Variants in PCDHGA5 observed in about 807,000 individuals in gnomAD.
The protein encoded by PCDHGA5 is protocadherin gamma-A5.
Under a neutral mutation model 56.7 loss-of-function variants are expected in PCDHGA5, and 36 were observed. The ratio of observed to expected loss-of-function variants is 0.64; its 90% CI spans 0.49 to 0.84. The LOEUF is 0.84. Ranked by LOEUF, PCDHGA5 falls within the 40% of genes least tolerant of loss-of-function variation. PCDHGA5 has a pLI of 0.00. For missense variants in PCDHGA5, 1,305 were observed against 1,201.5 expected (o/e 1.09, Z -1.27); for synonymous variants, 563 against 520.2 (o/e 1.08, Z -1.12).
At chr5:141,385,323 G>C (rs1781122610) in intron 1 of PCDHGA5, 1 of 1,607,092 alleles carries the variant, frequency 6.2e-7, no homozygotes, top group Non-Finnish European at 8.5e-7. Flanking sequence ...CAAGTATTCA[G>C]GTGAGCCCAG....
intron 1 of PCDHGA5, among the ~76,000 whole-genome samples, chr5:141,484,752 A>G (rs181317421): frequency 6.6e-5 from 10 of 151,098 alleles, no homozygotes; most frequent in Admixed American, 3.3e-4. Context: ...AAAAAAATGT[A>G]TATATATATA....
At chr5:141,413,445 C>G (rs764464917) in intron 1 of PCDHGA5, 105 of 1,613,986 alleles carry the variant, frequency 6.5e-5, no homozygotes, top group Non-Finnish European at 8.5e-5. Context: ...GCTTGATCAC[C>G]GCGGGCAGGA....
At position 141,364,354 on chromosome 5, in the gene PCDHGA5, G is replaced by A. The variant is rs1256054518; in HGVS notation, c.24G>A (p.Trp8Ter). 1 of 1,554,444 alleles carries A rather than the reference G, an allele frequency of 6.4e-7. No individual in the cohort carries two copies. Among genetic ancestry groups the A allele is most frequent in the Admixed American group, 2.0e-5 (1 of 49,680 alleles). Reference sequence around the variant, plus strand: ...CAATGGCGAGTCCACCTAGGGGCTGGGGCTGCGGAGAGCTGCTGCTGCCCT... The same window carrying A: ...CAATGGCGAGTCCACCTAGGGGCTGAGGCTGCGGAGAGCTGCTGCTGCCCT... Reference protein sequence around the residue: MASPPRGWGCGELLLPFM... With the variant: MASPPRG The change falls in exon 1 of 4, where the codon TGG becomes TGA. Residue 8 changes from tryptophan to a stop codon, truncating the protein, a stop_gained. Coordinates refer to ENST00000518069, the MANE Select transcript of PCDHGA5 (RefSeq NM_018918.3). LOFTEE classifies it high-confidence loss of function.
At chr5:141,399,644 A>C in intron 1 of PCDHGA5, 1 of 1,613,810 alleles carries the variant, frequency 6.2e-7, no homozygotes, top group Non-Finnish European at 8.5e-7. Flanking sequence ...ATGAGCGCGC[A>C]AAGTGGGGTG....
At position 141,476,873 on chromosome 5, in the gene PCDHGA5, G is replaced by C; in HGVS notation, c.2422-17934G>C. On this transcript the variant is annotated intron_variant, in intron 1 of 3. Coordinates refer to ENST00000518069, the MANE Select transcript of PCDHGA5 (RefSeq NM_018918.3). This position sits in a 1 kb window ranked among gnomAD's most constrained non-coding sequence, Gnocchi z 7.6. ...CAACCAGTCCTTGTACCGGGCGCGC[G>C]TCCTGGAGGATGCACCCTCCGGCAC... 1 of 1,613,936 alleles carries C rather than the reference G, an allele frequency of 6.2e-7. No homozygotes were observed. Among genetic ancestry groups the C allele is most frequent in the South Asian group, 1.1e-5 (1 of 91,088 alleles).
At chr5:141,380,163 G>A (rs765381808) in intron 1 of PCDHGA5, among the ~76,000 whole-genome samples, 1 of 152,092 alleles carries the variant, frequency 6.6e-6, no homozygotes, top group African/African-American at 2.4e-5. Context: ...GCCTCTCAAA[G>A]GGCTGGGATT....
chr5:141,431,511 T>G lies in PCDHGA5; in HGVS notation c.2422-63296T>G, dbSNP rs1234369765. 6.2e-7 allele frequency: 1 copy of G among 1,614,018 alleles called. No individual in the cohort carries two copies. On this transcript the variant is annotated intron_variant, in intron 1 of 3. Transcript: ENST00000518069. The surrounding 1 kb of genome is among the most constrained non-coding windows in gnomAD (Gnocchi z 4.8). ...GCTCAGCCCGAGTACCGCGCGAGCGTTCCGGAGAATCTGGCCTTGGGCACG... is the reference window on the plus strand; with the variant it reads ...GCTCAGCCCGAGTACCGCGCGAGCGGTCCGGAGAATCTGGCCTTGGGCACG...
At chr5:141,422,576 C>T in intron 1 of PCDHGA5, 1 of 1,614,034 alleles carries the variant, frequency 6.2e-7, no homozygotes, top group South Asian at 1.1e-5. Context: ...AACGATAACC[C>T]TCCCGTTTTT....
intron 1 of PCDHGA5, chr5:141,418,830 G>A (rs371820904): frequency 1.2e-6 from 2 of 1,613,976 alleles, no homozygotes; most frequent in Non-Finnish European, 1.7e-6. Flanking sequence ...GCAAAAGACC[G>A]AGGATCTCTC....
chr5:141,497,237 T>C (rs933112169), intron 2 of PCDHGA5, among the ~76,000 whole-genome samples: 3 of 152,038 alleles, frequency 2.0e-5, no homozygotes, highest in Non-Finnish European at 4.4e-5. Context: ...AGAAGGCTTC[T>C]AGGAGGAGGT....
chr5:141,476,196 A>G lies in PCDHGA5; in HGVS notation c.2422-18611A>G, dbSNP rs2099386612. The G allele has an allele frequency of 6.2e-7, 1 of 1,613,852 alleles. No individual in the cohort carries two copies. Among genetic ancestry groups the G allele is most frequent in the South Asian group, 1.1e-5 (1 of 91,074 alleles). ...GTTTTGCTTCTGCTTGGTGCCTTGA[A>G]CAAGGCTTCCACGGTCATTCACTAT... On this transcript the variant is annotated intron_variant, in intron 1 of 3. Coordinates refer to ENST00000518069, the MANE Select transcript of PCDHGA5 (RefSeq NM_018918.3). This position sits in a 1 kb window ranked among gnomAD's most constrained non-coding sequence, Gnocchi z 7.6.
chr5:141,477,988 C>T lies in PCDHGA5; in HGVS notation c.2422-16819C>T, dbSNP rs771241128. The T allele has an allele frequency of 6.2e-7, 1 of 1,614,160 alleles. No individual in the cohort carries two copies. Among genetic ancestry groups the T allele is most frequent in the Non-Finnish European group, 8.5e-7 (1 of 1,180,032 alleles). On this transcript the variant is annotated intron_variant, in intron 1 of 3. Coordinates refer to ENST00000518069, the MANE Select transcript of PCDHGA5 (RefSeq NM_018918.3). This position sits in a 1 kb window ranked among gnomAD's most constrained non-coding sequence, Gnocchi z 4.9. ...AGAGCCTTTTTGCCATAGGGCTGCA[C>T]ACTGGTCAAATCAGTACTGCCCGTC...
intron 1 of PCDHGA5, chr5:141,388,909 C>A: frequency 1.2e-6 from 2 of 1,613,902 alleles, no homozygotes; most frequent in South Asian, 1.1e-5. Context: ...AATGACAACG[C>A]CCCAGAAGTG....
At chr5:141,371,443 C>T in intron 1 of PCDHGA5, 1 of 1,613,978 alleles carries the variant, frequency 6.2e-7, no homozygotes, top group Non-Finnish European at 8.5e-7. Flanking sequence ...ATAACCCTGG[C>T]TTCTGAATCC....
rs1246204844 is a variant in PCDHGA5, at chr5:141,419,493, A to T, written c.2421+52742A>T. On this transcript the variant is annotated intron_variant, in intron 1 of 3. Coordinates refer to ENST00000518069, the MANE Select transcript of PCDHGA5 (RefSeq NM_018918.3). ...CAGGGCTCGCCCGCGCTCAGCGCCA[A>T]TGTGAGCCTGCGCGTGTTGGTGGGC... 3 of 1,612,264 alleles carry T rather than the reference A, an allele frequency of 1.9e-6. No individual in the cohort carries two copies. The African/African-American group carries it at 4.0e-5, about 22-fold the overall frequency.
chr5:141,420,089 A>G lies in PCDHGA5; in HGVS notation c.2421+53338A>G. On this transcript the variant is annotated intron_variant, in intron 1 of 3. Transcript: ENST00000518069. The stretch of plus-strand genomic sequence containing the variant: ...CGGACCTGTGGGTCCCCCCAACTAC[A>G]GTGAGGGAACGTTGCCCTATGCCTA... 2.5e-6 allele frequency: 4 copies of G among 1,613,986 alleles called. No individual in the cohort carries two copies. Among genetic ancestry groups the G allele is most frequent in the Middle Eastern group, 1.6e-4 (1 of 6,062 alleles).
intron 1 of PCDHGA5, among the ~76,000 whole-genome samples, chr5:141,439,076 C>G (rs1358035789): frequency 6.6e-6 from 1 of 151,590 alleles, no homozygotes; most frequent in East Asian, 2.0e-4. Context: ...GCCTGTAATC[C>G]CAGCTACTCA....
intron 1 of PCDHGA5, chr5:141,382,741 C>G: frequency 3.4e-6 from 2 of 582,496 alleles, no homozygotes; most frequent in East Asian, 2.8e-5. Context: ...AGAGAAACGA[C>G]AGATTGCGAT....
chr5:141,390,286 G>A (rs1043842292), intron 1 of PCDHGA5: 2 of 1,613,848 alleles, frequency 1.2e-6, no homozygotes, highest in Non-Finnish European at 1.7e-6. Flanking sequence ...CATCAGGTGA[G>A]TTTCCTTTAA....
Sources: gnomAD v4.1 joint callset for allele counts (sites outside exome capture counted in the v4.1 genomes callset) on GRCh38, gnomAD v4.1.1 for gene constraint, Gnocchi (gnomAD v3.1) non-coding constraint, MANE v1.5 for transcripts, NCBI Gene and HGNC (gene_info 2026-07-23, HGNC 2026-07-21) for gene names.